SPRY3: variants seen among roughly 807,000 people sequenced by gnomAD.
The protein encoded by SPRY3 is protein sprouty homolog 3.
Under a neutral mutation model 20.2 loss-of-function variants are expected in SPRY3, and 15 were observed. The observed-to-expected ratio is 0.74, with a 90% CI of 0.50 to 1.14. SPRY3 has a LOEUF of 1.14. SPRY3 is among the 50% of genes most tolerant of loss of function. The pLI is 0.00. For synonymous variants in SPRY3, 143 were observed against 136.5 expected (o/e 1.05, Z -0.33); for missense variants, 364 against 363.9 (o/e 1.00, Z 0.00).
intron 1 of SPRY3, among the ~76,000 whole-genome samples, chrX:155,652,237 T>A (rs1022009318): frequency 8.9e-6 from 1 of 112,126 alleles, no homozygotes; most frequent in Non-Finnish European, 1.9e-5. Flanking sequence ...ATCAGTGTTA[T>A]AAACAATCCA....
At chrX:155,654,750 CTTT>C (rs2067987150) in intron 1 of SPRY3, among the ~76,000 whole-genome samples, 1 of 102,000 alleles carries the variant, frequency 9.8e-6, no homozygotes, top group Non-Finnish European at 2.0e-5. Context: ...ATAAAATCTT[CTTT>C]ATCTAATCAT....
chrX:155,739,607 G>A (rs1357817602), intron 2 of SPRY3, among the ~76,000 whole-genome samples: 1 of 152,184 alleles, frequency 6.6e-6, no homozygotes, highest in African/African-American at 2.4e-5. Flanking sequence ...TTCAGAAGAA[G>A]GAGCCGGCTG....
At chrX:155,737,863 C>A (rs2091179281) in intron 2 of SPRY3, among the ~76,000 whole-genome samples, 1 of 152,084 alleles carries the variant, frequency 6.6e-6, no homozygotes, top group South Asian at 2.1e-4. Flanking sequence ...TAGGAAGATT[C>A]TCTACCTTCA....
intron 2 of SPRY3, among the ~76,000 whole-genome samples, chrX:155,759,867 A>C (rs2091297417): frequency 6.6e-6 from 1 of 152,314 alleles, no homozygotes; most frequent in East Asian, 1.9e-4. Context: ...AGTGCAGTAC[A>C]TGCTCTGACA....
At chrX:155,757,417 T>C (rs2091287565) in intron 2 of SPRY3, among the ~76,000 whole-genome samples, 1 of 152,168 alleles carries the variant, frequency 6.6e-6, no homozygotes, top group South Asian at 2.1e-4. Context: ...ATAACCATCA[T>C]ATATAAAATA....
At chrX:155,728,575 C>T (rs1305991731) in intron 2 of SPRY3, among the ~76,000 whole-genome samples, 1 of 152,216 alleles carries the variant, frequency 6.6e-6, no homozygotes, top group African/African-American at 2.4e-5. Flanking sequence ...GACTGCTGCA[C>T]TAGCAGTGAG....
At chrX:155,637,947 A>G (rs782279260) in intron 1 of SPRY3, among the ~76,000 whole-genome samples, 47 of 102,719 alleles carry the variant, frequency 4.6e-4, no homozygotes, top group Non-Finnish European at 7.1e-4. Flanking sequence ...TCCTTACAAC[A>G]GAAGGAAGTG....
chrX:155,641,782 T>C (rs1161491377), intron 1 of SPRY3, among the ~76,000 whole-genome samples: 1 of 115,002 alleles, frequency 8.7e-6, no homozygotes, highest in Admixed American at 9.1e-5. Context: ...GGAATCGGAA[T>C]TGGGAGCATA....
At chrX:155,770,274 T>C (rs2091372889) in intron 3 of SPRY3, among the ~76,000 whole-genome samples, 2 of 152,296 alleles carry the variant, frequency 1.3e-5, no homozygotes, top group South Asian at 4.2e-4. Context: ...GGGCTTTAGA[T>C]AGGAAAGTTT....
intron 1 of SPRY3, among the ~76,000 whole-genome samples, chrX:155,638,523 A>G: frequency 9.4e-6 from 1 of 106,293 alleles, no homozygotes; most frequent in Middle Eastern, 4.8e-3. Flanking sequence ...TTCTTGCACT[A>G]TACATCAAGT....
exon 4 of SPRY3, chrX:155,774,870 C>A: frequency 9.6e-7 from 1 of 1,041,504 alleles, no homozygotes; most frequent in Non-Finnish European, 1.4e-6. Flanking sequence ...CCTGCAGTGT[C>A]AGGGGAATGA....
intron 2 of SPRY3, among the ~76,000 whole-genome samples, chrX:155,697,465 C>T (rs1458686405): frequency 1.8e-5 from 2 of 108,593 alleles, no homozygotes; most frequent in Non-Finnish European, 3.8e-5. Context: ...TCCACAAACA[C>T]ACGAGCCAAT....
At chrX:155,719,499 G>T (rs929855132) in intron 2 of SPRY3, among the ~76,000 whole-genome samples, 30 of 151,888 alleles carry the variant, frequency 2.0e-4, no homozygotes, top group Non-Finnish European at 4.0e-4. Flanking sequence ...CTAAGGGAGT[G>T]CTGGTATCAC....
intron 2 of SPRY3, among the ~76,000 whole-genome samples, chrX:155,739,965 G>A (rs306902): frequency 0.13 from 19,220 of 152,086 alleles, 2,045 homozygotes; most frequent in African/African-American, 0.3. Flanking sequence ...GGCTGAGGCT[G>A]AGATGGCTAG....
intron 1 of SPRY3, among the ~76,000 whole-genome samples, chrX:155,615,421 A>C (rs782289669): frequency 8.9e-6 from 1 of 112,455 alleles, no homozygotes; most frequent in African/African-American, 3.2e-5. Context: ...AAGGTGGTTA[A>C]AACTATGTGT....
chrX:155,761,329 T>C (rs1441813684), intron 2 of SPRY3, among the ~76,000 whole-genome samples: 8 of 152,220 alleles, frequency 5.3e-5, no homozygotes, highest in African/African-American at 1.9e-4. Flanking sequence ...GTTTCTTCAC[T>C]GATTCTTCTT....
intron 2 of SPRY3, among the ~76,000 whole-genome samples, chrX:155,720,643 A>C (rs2124552528): frequency 6.6e-6 from 1 of 152,256 alleles, no homozygotes; most frequent in East Asian, 1.9e-4. Flanking sequence ...GGAGAACAGG[A>C]GTTTCTGCCT....
intron 2 of SPRY3, among the ~76,000 whole-genome samples, chrX:155,718,074 G>A (rs1242963480): frequency 6.6e-6 from 1 of 152,084 alleles, no homozygotes; most frequent in African/African-American, 2.4e-5. Context: ...GTTTTTACTG[G>A]AATTTATAGC....
intron 1 of SPRY3, among the ~76,000 whole-genome samples, chrX:155,630,665 T>C (rs1255076028): frequency 9.0e-6 from 1 of 111,518 alleles, no homozygotes; most frequent in Non-Finnish European, 1.9e-5. Flanking sequence ...GGATCCTTTT[T>C]TTGTCTTTGA....
Sources: gnomAD v4.1 joint callset for allele counts (sites outside exome capture counted in the v4.1 genomes callset) on GRCh38, gnomAD v4.1.1 for gene constraint, MANE v1.5 for transcripts, NCBI Gene and HGNC (gene_info 2026-07-23, HGNC 2026-07-21) for gene names.